Variants in WDR27 observed in about 807,000 individuals in gnomAD.
WDR27 encodes WD repeat-containing protein 27.
A neutral mutation model predicts 114.4 loss-of-function variants in WDR27; 100 were observed. The ratio of observed to expected loss-of-function variants is 0.87; its 90% CI spans 0.74 to 1.03. The LOEUF (loss-of-function observed/expected upper bound fraction) is 1.03. Among genes scored for constraint, WDR27 ranks in the 50% least tolerant of loss-of-function variants. The pLI is 0.00. For missense variants in WDR27, 1,129 were observed against 1,092.9 expected (o/e 1.03, Z -0.47); for synonymous variants, 449 against 423.1 (o/e 1.06, Z -0.75).
At chr6:169,580,071 T>G (rs1323407304) in intron 24 of WDR27, among the ~76,000 whole-genome samples, 2 of 152,238 alleles carry the variant, frequency 1.3e-5, no homozygotes, top group Admixed American at 6.5e-5. Context: ...CCAGATCCAG[T>G]CATTAGGGGA....
intron 20 of WDR27, 107 bp downstream of exon 20, chr6:169,634,321 G>A (rs745434999): frequency 3.1e-4 from 222 of 714,128 alleles, no homozygotes; most frequent in Non-Finnish European, 4.3e-4. Context: ...CTGCATTCCC[G>A]GAGCCCCACA....
intron 17 of WDR27, among the ~76,000 whole-genome samples, chr6:169,639,380 C>T (rs1325581564): frequency 6.6e-6 from 1 of 151,674 alleles, no homozygotes; most frequent in Non-Finnish European, 1.5e-5. Context: ...AACATGATAA[C>T]ATTTAGTATT....
rs148966751 is a variant in WDR27 at position 169,567,870 on chromosome 6, A to T, written c.2645+4549T>A. 9.9e-3 allele frequency among the ~76,000 whole-genome samples: 1,513 copies of T among 152,276 alleles called. 21 individuals are homozygous for T. The highest frequency in any genetic ancestry group is 0.035 in the African/African-American group (1,438 of 41,554). ...GTCGGAATCCCACAGAAGAGGAGTG[A>T]GAGCGGCGGTCCACTGTGTTCCTAG... On this transcript the variant is annotated intron_variant, in intron 25 of 25. Transcript: ENST00000448612.
intron 21 of WDR27, among the ~76,000 whole-genome samples, chr6:169,620,838 C>A (rs1422679096): frequency 6.6e-6 from 1 of 152,176 alleles, no homozygotes; most frequent in Non-Finnish European, 1.5e-5. Context: ...CACAGTCCAC[C>A]TCCTGTACTC....
Position 169,684,254 on chromosome 6 carries a change from GCTC to G in WDR27, c.189+4560_189+4562del, listed in dbSNP as rs968701628. Among the ~76,000 whole-genome samples, 2 of 152,066 alleles carry G rather than the reference GCTC, an allele frequency of 1.3e-5. No homozygotes were observed. Among genetic ancestry groups the G allele is most frequent in the African/African-American group, 4.8e-5 (2 of 41,396 alleles). ...GCACACCCTCCTCAAAGCAGGAGAGGCTCCTGAGACTCCTAACAGATGATTCAC... is the reference window on the plus strand; with the variant it reads ...GCACACCCTCCTCAAAGCAGGAGAGGCTGAGACTCCTAACAGATGATTCAC... On this transcript the variant is annotated intron_variant, in intron 2 of 25. Coordinates refer to ENST00000448612, the MANE Select transcript of WDR27 (RefSeq NM_182552.5). This position sits in a 1 kb window ranked among gnomAD's most constrained non-coding sequence, Gnocchi z 4.3.
intron 21 of WDR27, among the ~76,000 whole-genome samples, chr6:169,622,152 T>A (rs116623395): frequency 6.6e-6 from 1 of 152,224 alleles, no homozygotes; most frequent in East Asian, 1.9e-4. Flanking sequence ...CCTCCCTGAT[T>A]TGTGTCTTCC....
At chr6:169,682,168 G>C (rs12528551) in intron 2 of WDR27, among the ~76,000 whole-genome samples, 2 of 152,124 alleles carry the variant, frequency 1.3e-5, no homozygotes, top group East Asian at 3.9e-4. Context: ...GGGTCTCCCT[G>C]GGAGACAAAT....
Position 169,667,971 on chromosome 6 carries a change from C to G in WDR27, c.660+11G>C. 1 of 1,609,266 alleles carries G rather than the reference C, an allele frequency of 6.2e-7. No homozygotes were observed. The highest frequency in any genetic ancestry group is 1.1e-5 in the South Asian group (1 of 90,502). On this transcript the variant is annotated intron_variant, in intron 5 of 25. Coordinates refer to ENST00000448612, the MANE Select transcript of WDR27 (RefSeq NM_182552.5). ...GCCACGCGGGAACGCCATCCAGCGT[C>G]CATCCCTCACCTTAAAGCCTCTGTC...
intron 25 of WDR27, among the ~76,000 whole-genome samples, chr6:169,490,823 T>C (rs539451681): frequency 2.2e-4 from 33 of 152,274 alleles, no homozygotes; most frequent in African/African-American, 7.5e-4. Context: ...TGAAGAGTCA[T>C]GGAGTGCTTT....
At chr6:169,525,850 T>C (rs757271655) in intron 25 of WDR27, among the ~76,000 whole-genome samples, 4 of 152,188 alleles carry the variant, frequency 2.6e-5, no homozygotes, top group Non-Finnish European at 4.4e-5. Flanking sequence ...TGTCCATCAG[T>C]GGACAAATGG....
At chr6:169,618,067 C>T (rs1279578750) in intron 21 of WDR27, among the ~76,000 whole-genome samples, 6 of 152,114 alleles carry the variant, frequency 3.9e-5, no homozygotes, top group Non-Finnish European at 5.9e-5. Flanking sequence ...CAGTGGTTAT[C>T]AGAGAAGAAG....
the WDR27 span, among the ~76,000 whole-genome samples, chr6:169,444,863 G>A: frequency 6.6e-6 from 1 of 152,142 alleles, no homozygotes; most frequent in Non-Finnish European, 1.5e-5. Flanking sequence ...ATCCTGGGCT[G>A]CCCTTTTGCC....
At chr6:169,682,305 TC>T in intron 2 of WDR27, among the ~76,000 whole-genome samples, 1 of 152,192 alleles carries the variant, frequency 6.6e-6, no homozygotes, top group African/African-American at 2.4e-5. Flanking sequence ...CAATCTCAAC[TC>T]CCATTCCTCA....
intron 25 of WDR27, among the ~76,000 whole-genome samples, chr6:169,460,626 C>G (rs886472607): frequency 1.3e-5 from 2 of 152,090 alleles, no homozygotes; most frequent in African/African-American, 4.8e-5. Flanking sequence ...ATTAAATTCT[C>G]CAATGAGAAG....
intron 25 of WDR27, among the ~76,000 whole-genome samples, chr6:169,457,999 G>T (rs965003909): frequency 1.3e-5 from 2 of 151,550 alleles, no homozygotes; most frequent in East Asian, 3.9e-4. Context: ...GGAGGAGGAG[G>T]AGGAGGAGGT....
At chr6:169,676,599 T>C (rs555463905) in intron 2 of WDR27, among the ~76,000 whole-genome samples, 1 of 152,270 alleles carries the variant, frequency 6.6e-6, no homozygotes, top group South Asian at 2.1e-4. Flanking sequence ...ATATTTACAA[T>C]CTATTCTCTC....
chr6:169,472,582 C>T (rs1302702585), intron 25 of WDR27, among the ~76,000 whole-genome samples: 1 of 151,934 alleles, frequency 6.6e-6, no homozygotes, highest in Non-Finnish European at 1.5e-5. Flanking sequence ...ACCAGACACA[C>T]AGAAAGCATT....
chr6:169,655,157 T>C (rs550629508), intron 13 of WDR27, among the ~76,000 whole-genome samples: 5 of 152,372 alleles, frequency 3.3e-5, no homozygotes, highest in Admixed American at 2.0e-4. Context: ...AGTGCTATTC[T>C]TGTCTCACAC....
In WDR27 at chr6:169,652,520, T is replaced by C. The variant is rs537646708; in HGVS notation, c.1403-512A>G. ...CCGCAGCCTCCCAAAATGCTGGGAT[T>C]ACAGGCGTGAGCCACTATGCCCGGC... On this transcript the variant is annotated intron_variant, in intron 13 of 25. Transcript: ENST00000448612. Among the ~76,000 whole-genome samples, 299 of 152,394 alleles carry C rather than the reference T, an allele frequency of 2.0e-3. 1 individual carries two copies. Among genetic ancestry groups the C allele is most frequent in the African/African-American group, 6.6e-3 (275 of 41,606 alleles).
Sources: gnomAD v4.1 joint callset for allele counts (sites outside exome capture counted in the v4.1 genomes callset) on GRCh38, gnomAD v4.1.1 for gene constraint, Gnocchi (gnomAD v3.1) non-coding constraint, MANE v1.5 for transcripts, NCBI Gene and HGNC (gene_info 2026-07-23, HGNC 2026-07-21) for gene names.